Variants in HCN1 observed in about 807,000 individuals in gnomAD.
The protein encoded by HCN1 is hyperpolarization activated cyclic nucleotide gated potassium channel 1.
In HCN1, 13 loss-of-function variants were observed where a neutral mutation model predicts 78.9. The ratio of observed to expected loss-of-function variants is 0.16; its 90% CI spans 0.11 to 0.26. The LOEUF (loss-of-function observed/expected upper bound fraction) is 0.26, where lower values mean the gene tolerates loss of function less well. HCN1 is among the 10% of genes least tolerant of loss of function. The pLI is 1.00. For synonymous variants in HCN1, 552 were observed against 455.5 expected, an observed-to-expected ratio of 1.21 and a Z score of -2.70; for missense variants, 810 against 1,154.3, an observed-to-expected ratio of 0.70 and a Z score of 4.32.
chr5:45,649,407 C>T (rs1260637448), intron 1 of HCN1, among the ~76,000 whole-genome samples: 6 of 152,022 alleles, frequency 3.9e-5, no homozygotes. Context: ...AATGATGAAC[C>T]TACACTGACA....
At chr5:45,429,410 T>C (rs1471928492) in intron 3 of HCN1, among the ~76,000 whole-genome samples, 1 of 152,092 alleles carries the variant, frequency 6.6e-6, no homozygotes. Flanking sequence ...CTTACTCACA[T>C]AGCTGACAAG....
intron 2 of HCN1, among the ~76,000 whole-genome samples, chr5:45,489,646 C>G (rs1462265609): frequency 6.6e-6 from 1 of 152,086 alleles, no homozygotes; most frequent in Admixed American, 6.6e-5. Flanking sequence ...TTCAGTTTCT[C>G]CAGTAAAGGC....
intron 7 of HCN1, among the ~76,000 whole-genome samples, chr5:45,264,190 G>T (rs1744808540): frequency 6.6e-6 from 1 of 152,144 alleles, no homozygotes; most frequent in Non-Finnish European, 1.5e-5. Context: ...ATAGTGCATT[G>T]CAGGCTCTCA....
intron 4 of HCN1, 24 bp from the exon 5 acceptor site, chr5:45,353,270 T>TAA: frequency 1.9e-6 from 3 of 1,538,550 alleles, no homozygotes; most frequent in Non-Finnish European, 2.7e-6. Context: ...AAAATAAAAT[T>TAA]AAAAAAAAAC....
intron 2 of HCN1, among the ~76,000 whole-genome samples, chr5:45,570,618 T>A (rs972341242): frequency 6.6e-6 from 1 of 152,172 alleles, no homozygotes; most frequent in Non-Finnish European, 1.5e-5. Flanking sequence ...TTGACTTTTA[T>A]ACCTACATTG....
chr5:45,314,644 C>T (rs1418718817), intron 5 of HCN1, among the ~76,000 whole-genome samples: 1 of 152,102 alleles, frequency 6.6e-6, no homozygotes, highest in Non-Finnish European at 1.5e-5. Flanking sequence ...ATTCAAGACC[C>T]ATCAGTGTGC....
chr5:45,478,020 T>G (rs865985605), intron 2 of HCN1, among the ~76,000 whole-genome samples: 1 of 152,018 alleles, frequency 6.6e-6, no homozygotes, highest in African/African-American at 2.4e-5. Flanking sequence ...TCCATATACT[T>G]TGAGGCACCT....
At chr5:45,399,229 A>G (rs957346185) in intron 3 of HCN1, among the ~76,000 whole-genome samples, 2 of 152,182 alleles carry the variant, frequency 1.3e-5, no homozygotes, top group African/African-American at 4.8e-5. Context: ...TGGCCACATC[A>G]GGGACACATA....
chr5:45,574,330 CATT>C (rs1035227245), intron 2 of HCN1, among the ~76,000 whole-genome samples: 2 of 152,004 alleles, frequency 1.3e-5, no homozygotes, highest in African/African-American at 4.8e-5. Flanking sequence ...CAAACTTTTT[CATT>C]ATTATTATAT....
rs1744688502 is a variant in HCN1 at position 45,259,573 on chromosome 5, A to G, written c.*2348T>C. Reference sequence around the variant, plus strand: ...TATATATACATTCATACATATATGTATATAATTTACCCTGTACCTTTTTAT... The same window carrying G: ...TATATATACATTCATACATATATGTGTATAATTTACCCTGTACCTTTTTAT... On this transcript the variant is annotated 3_prime_UTR_variant, in exon 8 of 8. Transcript: ENST00000303230. The G allele has an allele frequency of 6.6e-6, 1 of 152,196 alleles. No homozygotes were observed. The highest frequency in any genetic ancestry group is 6.6e-5 in the Admixed American group (1 of 15,224). The allele number at this position is 152,196 out of a possible 1,614,324, so 9.4% of individuals were successfully genotyped here.
intron 3 of HCN1, among the ~76,000 whole-genome samples, chr5:45,448,666 C>T (rs1740846483): frequency 1.3e-5 from 2 of 152,138 alleles, no homozygotes; most frequent in Admixed American, 1.3e-4. Context: ...TCTAGGTATA[C>T]AGTACATCTG....
intron 2 of HCN1, among the ~76,000 whole-genome samples, chr5:45,493,740 T>A (rs1191923402): frequency 2.0e-5 from 3 of 146,362 alleles, no homozygotes; most frequent in Non-Finnish European, 4.5e-5. Flanking sequence ...CCCAATGCTA[T>A]CCCTCCCACC....
chr5:45,287,737 T>C (rs1434725565), intron 6 of HCN1, among the ~76,000 whole-genome samples: 1 of 152,092 alleles, frequency 6.6e-6, no homozygotes, highest in Non-Finnish European at 1.5e-5. Flanking sequence ...TAGAGTCATT[T>C]TCATTGCTAT....
At chr5:45,362,041 T>C (rs748557923) in intron 4 of HCN1, among the ~76,000 whole-genome samples, 2 of 152,118 alleles carry the variant, frequency 1.3e-5, no homozygotes, top group Non-Finnish European at 2.9e-5. Flanking sequence ...AAAAAATCAT[T>C]ATAACCATTG....
chr5:45,413,676 A>C (rs779748897), intron 3 of HCN1, among the ~76,000 whole-genome samples: 14 of 152,094 alleles, frequency 9.2e-5, no homozygotes, highest in Non-Finnish European at 1.6e-4. Context: ...AATGGCAATA[A>C]ATAATCATAA....
At chr5:45,328,155 T>C (rs983148867) in intron 5 of HCN1, among the ~76,000 whole-genome samples, 3 of 151,684 alleles carry the variant, frequency 2.0e-5, no homozygotes, top group African/African-American at 7.3e-5. Context: ...TTTCTGTTCA[T>C]GTATTCCACA....
intron 2 of HCN1, among the ~76,000 whole-genome samples, chr5:45,603,152 T>C (rs1744658231): frequency 6.6e-6 from 1 of 152,064 alleles, no homozygotes; most frequent in Non-Finnish European, 1.5e-5. Flanking sequence ...ATATTGTAGG[T>C]GATAACCCAA....
intron 6 of HCN1, among the ~76,000 whole-genome samples, chr5:45,281,442 A>G (rs1745162568): frequency 6.6e-6 from 1 of 152,104 alleles, no homozygotes; most frequent in Non-Finnish European, 1.5e-5. Context: ...CTTTGAATCA[A>G]TTAAATTTCT....
chr5:45,332,156 G>C (rs1314681704), intron 5 of HCN1, among the ~76,000 whole-genome samples: 1 of 151,342 alleles, frequency 6.6e-6, no homozygotes, highest in Non-Finnish European at 1.5e-5. Context: ...GCTTTACCTA[G>C]CACAGGCATC....
Sources: gnomAD v4.1 joint callset for allele counts (sites outside exome capture counted in the v4.1 genomes callset) on GRCh38, gnomAD v4.1.1 for gene constraint, MANE v1.5 for transcripts, NCBI Gene and HGNC (gene_info 2026-07-23, HGNC 2026-07-21) for gene names.